The following PTPRN2 variants were observed in gnomAD, a reference collection of about 807,000 sequenced individuals.
PTPRN2 encodes receptor-type tyrosine-protein phosphatase N2.
A neutral mutation model predicts 118.8 loss-of-function variants in PTPRN2; 74 were observed. That is an observed-to-expected ratio of 0.62 (90% CI 0.52 to 0.76). PTPRN2 has a LOEUF of 0.76. PTPRN2 is among the 30% of genes least tolerant of loss of function. The probability of loss-of-function intolerance (pLI) is 0.00; values close to 1 mark genes in which losing one functional copy is unlikely to be tolerated. For synonymous variants in PTPRN2, 641 were observed against 608.0 expected (o/e 1.05, Z -0.80); for missense variants, 1,481 against 1,394.4 (o/e 1.06, Z -0.99).
intron 1 of PTPRN2, among the ~76,000 whole-genome samples, chr7:158,560,179 G>A (rs908287644): frequency 2.0e-5 from 3 of 152,252 alleles, no homozygotes; most frequent in South Asian, 2.1e-4. Flanking sequence ...TAAGTCCACC[G>A]TGTGGATGGA....
At chr7:157,636,881 T>C (rs1205031315) in intron 14 of PTPRN2, among the ~76,000 whole-genome samples, 1 of 152,246 alleles carries the variant, frequency 6.6e-6, no homozygotes, top group Admixed American at 6.5e-5. Flanking sequence ...TAACTATAGA[T>C]AGTTTAACAC....
At chr7:158,194,124 T>A (rs1258559351) in intron 4 of PTPRN2, among the ~76,000 whole-genome samples, 8 of 149,384 alleles carry the variant, frequency 5.4e-5, no homozygotes, top group Non-Finnish European at 1.2e-4. Flanking sequence ...CGCGCGCATG[T>A]GCGTGTGTGA....
At position 157,629,137 on chromosome 7, in the gene PTPRN2, G is replaced by A. The variant is rs1803782234; in HGVS notation, c.2197-7628C>T. On this transcript the variant is annotated intron_variant, in intron 14 of 22. Coordinates refer to ENST00000389418, the MANE Select transcript of PTPRN2 (RefSeq NM_002847.5). The surrounding 1 kb of genome is among the most constrained non-coding windows in gnomAD (Gnocchi z 4.4). ...TGAGTACTGGGGTAGTGCATCTGGA[G>A]ACTTGTAAAGGGTCCAGATGTGGTT... 6.6e-6 allele frequency among the ~76,000 whole-genome samples: 1 copy of A among 152,142 alleles called. No individual in the cohort carries two copies. The highest frequency in any genetic ancestry group is 2.1e-4 in the South Asian group (1 of 4,830).
intron 11 of PTPRN2, among the ~76,000 whole-genome samples, chr7:158,004,139 A>G (rs1805480794): frequency 6.7e-6 from 1 of 148,458 alleles, no homozygotes; most frequent in African/African-American, 2.5e-5. Flanking sequence ...TCCAGTGCCC[A>G]ATTTGGGAGT....
chr7:157,716,638 G>A lies in PTPRN2; in HGVS notation c.1789-33701C>T, dbSNP rs13308297. On this transcript the variant is annotated intron_variant, in intron 12 of 22. Coordinates refer to ENST00000389418, the MANE Select transcript of PTPRN2 (RefSeq NM_002847.5). ...CTCTGCAGGAACACTGCCTGGCCAC[G>A]TAGACTCTGAGGGAACACTGCCTGG... Among the ~76,000 whole-genome samples the A allele has an allele frequency of 2.9e-5, 2 of 69,704 alleles. 1 individual carries two copies. Among genetic ancestry groups the A allele is most frequent in the Non-Finnish European group, 5.3e-5 (2 of 38,088 alleles). 45.7% of individuals were successfully genotyped at this position (69,704 alleles called of 152,430 possible).
Position 158,215,978 on chromosome 7 carries a change from T to C in PTPRN2, c.278-10705A>G, listed in dbSNP as rs76699966. On this transcript the variant is annotated intron_variant, in intron 3 of 22. Coordinates refer to ENST00000389418, the MANE Select transcript of PTPRN2 (RefSeq NM_002847.5). ...ACAACCTGAGTAAGTACAATAAGCA[T>C]TCCTTGAGTTTTATGCTTGACAGTT... is the stretch of plus-strand genomic sequence containing the variant. Among the ~76,000 whole-genome samples, 1,016 of 152,282 alleles carry C rather than the reference T, an allele frequency of 6.7e-3. 10 individuals carry two copies. The highest frequency in any genetic ancestry group is 0.023 in the African/African-American group (963 of 41,558).
At chr7:158,274,097 G>A (rs1471276901) in intron 3 of PTPRN2, among the ~76,000 whole-genome samples, 2 of 119,864 alleles carry the variant, frequency 1.7e-5, no homozygotes, top group African/African-American at 3.3e-5. Context: ...GGGAGCTGCA[G>A]ACAGACATGG....
At chr7:158,077,008 A>G (rs183210874) in intron 11 of PTPRN2, among the ~76,000 whole-genome samples, 1 of 152,360 alleles carries the variant, frequency 6.6e-6, no homozygotes, top group Non-Finnish European at 1.5e-5. Context: ...TATGTGTTAT[A>G]AAGGAATTCA....
At position 158,363,390 on chromosome 7, in the gene PTPRN2, G is replaced by A. The variant is rs115487938; in HGVS notation, c.164-46458C>T. ...GCCTCTGGAACTAAGTCACACCCAC[G>A]CTGGAACCACTGCGAGCCCAATTTC... On this transcript the variant is annotated intron_variant, in intron 2 of 22. Transcript: ENST00000389418. 8.4e-3 allele frequency among the ~76,000 whole-genome samples: 1,281 copies of A among 152,236 alleles called. 22 individuals are homozygous for A. The highest frequency in any genetic ancestry group is 0.029 in the African/African-American group (1,223 of 41,522).
At chr7:158,488,175 G>A (rs998010110) in intron 2 of PTPRN2, among the ~76,000 whole-genome samples, 6 of 152,138 alleles carry the variant, frequency 3.9e-5, no homozygotes, top group African/African-American at 1.2e-4. Flanking sequence ...AAAAGCTGTT[G>A]AGTCCAGGCA....
At chr7:158,273,928 AGGGGG>A (rs1563073748) in intron 3 of PTPRN2, among the ~76,000 whole-genome samples, 6 of 129,398 alleles carry the variant, frequency 4.6e-5, no homozygotes, top group African/African-American at 1.8e-4. Context: ...CCGCAGACAC[AGGGGG>A]AGCCGCAGAC....
intron 2 of PTPRN2, among the ~76,000 whole-genome samples, chr7:158,424,203 AGGCAC>A (rs1815496876): frequency 6.6e-6 from 1 of 152,100 alleles, no homozygotes; most frequent in South Asian, 2.1e-4. Flanking sequence ...CAGAGAGGGG[AGGCAC>A]CTGGCACCAT....
rs569852096 is a variant in PTPRN2, at chr7:157,893,607, G to A, written c.1788+5066C>T. Among the ~76,000 whole-genome samples, 16 of 152,302 alleles carry A rather than the reference G, an allele frequency of 1.1e-4. No individual in the cohort carries two copies. The South Asian group carries it at 2.3e-3, about 22-fold the overall frequency. On this transcript the variant is annotated intron_variant, in intron 12 of 22. Transcript: ENST00000389418. This position sits in a 1 kb window ranked among gnomAD's most constrained non-coding sequence, Gnocchi z 4.0. ...AAACCTGACGGGAGAAACAGGCTGC[G>A]GCAGGAAGATCAAGAGCCCTGCGTG... is the stretch of plus-strand genomic sequence containing the variant.
At chr7:158,527,928 C>T (rs1408974065) in intron 1 of PTPRN2, among the ~76,000 whole-genome samples, 2 of 39,626 alleles carry the variant, frequency 5.0e-5, no homozygotes, top group Non-Finnish European at 1.0e-4. Flanking sequence ...GCAGGGACCA[C>T]CTACCTGTGT....
intron 12 of PTPRN2, among the ~76,000 whole-genome samples, chr7:157,727,134 A>G (rs923933149): frequency 2.0e-5 from 3 of 152,210 alleles, no homozygotes; most frequent in Admixed American, 1.3e-4. Flanking sequence ...CTGGGTGTCC[A>G]TGGAGAACAA....
intron 12 of PTPRN2, among the ~76,000 whole-genome samples, chr7:157,762,649 A>T (rs1310633031): frequency 6.6e-6 from 1 of 151,076 alleles, no homozygotes; most frequent in Non-Finnish European, 1.5e-5. Flanking sequence ...ATGCTAGATG[A>T]CGAGTTAGTG....
In PTPRN2 at chr7:157,550,497, C is replaced by T. The variant is rs190508120; in HGVS notation, c.2903-1478G>A. Among the ~76,000 whole-genome samples, 211 of 152,312 alleles carry T rather than the reference C, an allele frequency of 1.4e-3. No homozygotes were observed. The highest frequency in any genetic ancestry group is 3.9e-3 in the South Asian group (19 of 4,832). On this transcript the variant is annotated intron_variant, in intron 21 of 22. Transcript: ENST00000389418. The surrounding 1 kb of genome is among the most constrained non-coding windows in gnomAD (Gnocchi z 5.2). Reference sequence around the variant, plus strand: ...CCCACAGCGGCTCCACCAGGGAGGCCGGGCGCGAGATGACCACCCCACCTG... The same window carrying T: ...CCCACAGCGGCTCCACCAGGGAGGCTGGGCGCGAGATGACCACCCCACCTG...
intron 11 of PTPRN2, among the ~76,000 whole-genome samples, chr7:158,053,738 T>G (rs367982548): frequency 2.0e-5 from 2 of 98,150 alleles, no homozygotes; most frequent in African/African-American, 8.5e-5. Flanking sequence ...GCAGAGACCC[T>G]AGAGATGCAG....
intron 11 of PTPRN2, among the ~76,000 whole-genome samples, chr7:157,946,884 A>G (rs1304372428): frequency 2.0e-5 from 3 of 152,230 alleles, no homozygotes; most frequent in Non-Finnish European, 4.4e-5. Context: ...ACACTGCCGG[A>G]GACCCTCTGA....
Sources: allele counts gnomAD v4.1 joint callset (sites outside exome capture counted in the v4.1 genomes callset), GRCh38; gene constraint gnomAD v4.1.1; non-coding constraint Gnocchi (gnomAD v3.1); transcripts MANE v1.5; gene names NCBI Gene and HGNC (gene_info 2026-07-23, HGNC 2026-07-21).